Variants in WWOX observed in about 807,000 individuals in gnomAD.
The protein encoded by WWOX is WW domain-containing oxidoreductase.
A neutral mutation model predicts 46.2 loss-of-function variants in WWOX; 69 were observed. The ratio of observed to expected loss-of-function variants is 1.49; its 90% CI spans 1.23 to 1.82. The LOEUF is 1.82. Among genes scored for constraint, WWOX ranks in the 40% most tolerant of loss-of-function variants. WWOX has a pLI of 0.00. For synonymous variants in WWOX, 359 were observed against 202.6 expected (o/e 1.77, Z -6.56); for missense variants, 919 against 542.6 (o/e 1.69, Z -6.89).
At chr16:78,258,480 G>T (rs1465237944) in intron 5 of WWOX, among the ~76,000 whole-genome samples, 1 of 151,948 alleles carries the variant, frequency 6.6e-6, no homozygotes, top group Non-Finnish European at 1.5e-5. Context: ...ATGCTACGAG[G>T]GGTAATCTGT....
chr16:79,037,921 G>A (rs886526835), intron 8 of WWOX, among the ~76,000 whole-genome samples: 7 of 151,958 alleles, frequency 4.6e-5, no homozygotes, highest in Admixed American at 3.9e-4. Context: ...CTTTCCATCC[G>A]AGAAAAGCAC....
Position 78,651,161 on chromosome 16 carries a change from T to TA in WWOX, c.1056+218410dup, listed in dbSNP as rs113109306. Among the ~76,000 whole-genome samples the TA allele has an allele frequency of 4.3e-4, 66 of 152,294 alleles. 1 individual carries two copies. The highest frequency in any genetic ancestry group is 1.6e-3 in the African/African-American group (66 of 41,556). On this transcript the variant is annotated intron_variant, in intron 8 of 8. Transcript: ENST00000566780. ...GGATCAGAAGGCCACAAAGTTTTCT[T>TA]ATATTTTAAGCATCAAAGTAGCACC...
chr16:78,313,305 A>G (rs142131522), intron 5 of WWOX, among the ~76,000 whole-genome samples: 14 of 152,328 alleles, frequency 9.2e-5, no homozygotes, highest in Admixed American at 2.6e-4. Context: ...TGCTGGGAAC[A>G]TGATAGAACG....
At chr16:79,146,908 CT>C (rs1393520143) in intron 8 of WWOX, among the ~76,000 whole-genome samples, 1 of 152,184 alleles carries the variant, frequency 6.6e-6, no homozygotes, top group Non-Finnish European at 1.5e-5. Flanking sequence ...GTCTAGTTCA[CT>C]GATTTTTTAA....
chr16:78,456,570 T>C (rs374239883), intron 8 of WWOX, among the ~76,000 whole-genome samples: 224 of 152,294 alleles, frequency 1.5e-3, no homozygotes, highest in African/African-American at 5.2e-3. Context: ...TTAACATAAT[T>C]TGAAGTATTT....
At chr16:78,838,874 C>G (rs1032777134) in intron 8 of WWOX, among the ~76,000 whole-genome samples, 1 of 152,028 alleles carries the variant, frequency 6.6e-6, no homozygotes, top group Non-Finnish European at 1.5e-5. Context: ...AAAGGAAAGA[C>G]AACAGATAAG....
intron 8 of WWOX, among the ~76,000 whole-genome samples, chr16:79,190,206 G>A (rs1452323272): frequency 1.3e-5 from 2 of 152,008 alleles, no homozygotes; most frequent in Non-Finnish European, 2.9e-5. Context: ...TGTATTTTTA[G>A]TAAAGACAGG....
At chr16:78,691,582 C>T (rs1204600873) in intron 8 of WWOX, among the ~76,000 whole-genome samples, 1 of 151,964 alleles carries the variant, frequency 6.6e-6, no homozygotes, top group South Asian at 2.1e-4. Context: ...GTGGTGTGCA[C>T]CTGAAGTCCC....
At chr16:79,062,175 T>A (rs982690951) in intron 8 of WWOX, among the ~76,000 whole-genome samples, 1 of 152,096 alleles carries the variant, frequency 6.6e-6, no homozygotes, top group East Asian at 1.9e-4. Context: ...AGACTCAAGG[T>A]TGGGGAGACT....
intron 5 of WWOX, among the ~76,000 whole-genome samples, chr16:78,247,993 G>T (rs955201715): frequency 6.6e-6 from 1 of 152,206 alleles, no homozygotes. Flanking sequence ...CATCAGCTAT[G>T]CAACATAATG....
intron 5 of WWOX, among the ~76,000 whole-genome samples, chr16:78,372,231 C>T (rs993498346): frequency 2.6e-5 from 4 of 152,172 alleles, no homozygotes; most frequent in African/African-American, 9.7e-5. Flanking sequence ...ATTCACTTTT[C>T]TTCCAAAGGC....
intron 8 of WWOX, among the ~76,000 whole-genome samples, chr16:78,974,515 G>A (rs1198033615): frequency 6.6e-6 from 1 of 152,186 alleles, no homozygotes; most frequent in Non-Finnish European, 1.5e-5. Context: ...ATCCGTCTCT[G>A]TTAAGGTTAT....
intron 8 of WWOX, among the ~76,000 whole-genome samples, chr16:78,760,172 A>G (rs1433754386): frequency 1.3e-5 from 2 of 152,214 alleles, no homozygotes; most frequent in Non-Finnish European, 2.9e-5. Context: ...CTCACACGGC[A>G]GCAGACGAGA....
At chr16:78,576,166 T>C (rs2044874202) in intron 8 of WWOX, among the ~76,000 whole-genome samples, 2 of 152,214 alleles carry the variant, frequency 1.3e-5, no homozygotes, top group African/African-American at 2.4e-5. Context: ...AACTTCAATA[T>C]GCTATGCATT....
intron 8 of WWOX, among the ~76,000 whole-genome samples, chr16:78,468,928 G>A (rs915800114): frequency 6.6e-6 from 1 of 152,176 alleles, no homozygotes; most frequent in Non-Finnish European, 1.5e-5. Flanking sequence ...TACCCCAAAA[G>A]TATATTCAAG....
At chr16:78,486,328 A>T (rs1329860306) in intron 8 of WWOX, among the ~76,000 whole-genome samples, 1 of 152,232 alleles carries the variant, frequency 6.6e-6, no homozygotes, top group Non-Finnish European at 1.5e-5. Context: ...AAATAACCTC[A>T]TGAGCATAGA....
At chr16:78,989,704 C>A (rs907047698) in intron 8 of WWOX, among the ~76,000 whole-genome samples, 5 of 150,990 alleles carry the variant, frequency 3.3e-5, no homozygotes, top group African/African-American at 1.2e-4. Flanking sequence ...AAGCCAGAAG[C>A]AGAGCAGGAG....
intron 8 of WWOX, among the ~76,000 whole-genome samples, chr16:78,596,716 G>A (rs923449258): frequency 6.6e-6 from 1 of 152,186 alleles, no homozygotes; most frequent in East Asian, 1.9e-4. Flanking sequence ...GGGCCTAGTA[G>A]AAAGTAAGCG....
chr16:79,042,642 A>T (rs2047993512), intron 8 of WWOX, among the ~76,000 whole-genome samples: 1 of 152,296 alleles, frequency 6.6e-6, no homozygotes, highest in Middle Eastern at 3.4e-3. Flanking sequence ...AGTGCAGTTA[A>T]TCATACGCAT....
Sources: gnomAD v4.1 joint callset for allele counts (sites outside exome capture counted in the v4.1 genomes callset) on GRCh38, gnomAD v4.1.1 for gene constraint, MANE v1.5 for transcripts, NCBI Gene and HGNC (gene_info 2026-07-23, HGNC 2026-07-21) for gene names.